RIF1: variants seen among roughly 807,000 people sequenced by gnomAD.
The protein encoded by RIF1 is replication timing regulatory factor 1.
Under a neutral mutation model 247.1 loss-of-function variants are expected in RIF1, and 45 were observed. That is an observed-to-expected ratio of 0.18 (90% CI 0.14 to 0.23). The LOEUF (loss-of-function observed/expected upper bound fraction) is 0.23. Ranked by LOEUF, RIF1 falls within the 10% of genes least tolerant of loss-of-function variation. The probability of loss-of-function intolerance (pLI) is 1.00; values close to 1 mark genes in which losing one functional copy is unlikely to be tolerated. For synonymous variants in RIF1, 1,087 were observed against 978.8 expected, an observed-to-expected ratio of 1.11 and a Z score of -2.06; for missense variants, 2,967 against 2,862.5, an observed-to-expected ratio of 1.04 and a Z score of -0.83.
At chr2:151,500,644 T>TGGA (rs2063764426) in intron 11 of RIF1, among the ~76,000 whole-genome samples, 1 of 146,536 alleles carries the variant, frequency 6.8e-6, no homozygotes, top group Non-Finnish European at 1.5e-5. Flanking sequence ...TTGCCTAGGC[T>TGGA]GGAGTACAGT....
chr2:151,461,391 ATTT>A (rs374480238), intron 27 of RIF1, 102 bp downstream of exon 27: 3,268 of 766,454 alleles, frequency 4.3e-3, no homozygotes, highest in East Asian at 5.7e-3. Flanking sequence ...ATGTGTACTA[ATTT>A]TTTTTTTTTT....
chr2:151,414,834 C>T lies in RIF1; in HGVS notation c.195C>T (p.Ser65=). Residue 65 remains serine, a synonymous_variant, in exon 4 of 36, where the codon TCC becomes TCT. Transcript: ENST00000444746. ...RLYKVLKTHI[S]SQNSELSSAA... ...TTTTGTTTTTGTAGACTCACATTTC[C>T]AGTCAAAACTCGGAGCTGAGTAGTG... 1 of 1,607,604 alleles carries T rather than the reference C, an allele frequency of 6.2e-7. No homozygotes were observed. Among genetic ancestry groups the T allele is most frequent in the Non-Finnish European group, 8.5e-7 (1 of 1,177,198 alleles).
At chr2:151,510,905 G>T (rs1407651581), downstream of RIF1, among the ~76,000 whole-genome samples, 1 of 152,182 alleles carries the variant, frequency 6.6e-6, no homozygotes, top group Non-Finnish European at 1.5e-5. Context: ...TATAAATACA[G>T]ATTCTCCATT....
At chr2:151,430,109 C>T (rs529096255) in intron 9 of RIF1, among the ~76,000 whole-genome samples, 1 of 152,056 alleles carries the variant, frequency 6.6e-6, no homozygotes, top group South Asian at 2.1e-4. Flanking sequence ...CAAGCTCCGC[C>T]TCCTGGGTTC....
At chr2:151,415,653 C>G (rs1030825230) in intron 4 of RIF1, among the ~76,000 whole-genome samples, 1 of 148,618 alleles carries the variant, frequency 6.7e-6, no homozygotes, top group Non-Finnish European at 1.5e-5. Flanking sequence ...GCGGGTGGAT[C>G]ACCTAAGGTC....
At chr2:151,490,556 G>A (rs1242718486) in intron 9 of RIF1, 2 of 1,597,158 alleles carry the variant, frequency 1.3e-6, no homozygotes, top group Non-Finnish European at 1.7e-6. Context: ...TAGCAAACAT[G>A]AAATTTCTAT....
intron 23 of RIF1, 52 bp downstream of exon 23, chr2:151,456,672 A>C (rs1265014345): frequency 1.9e-6 from 2 of 1,038,680 alleles, no homozygotes; most frequent in Non-Finnish European, 2.9e-6. Flanking sequence ...AGAAAATGAT[A>C]GAGTTTAGAT....
At chr2:151,512,779 G>A, downstream of RIF1, 1 of 1,613,892 alleles carries the variant, frequency 6.2e-7, no homozygotes, top group Non-Finnish European at 8.5e-7. Context: ...GATCTCTGGA[G>A]TATCAACCAC....
intron 34 of RIF1, 93 bp from the exon 35 acceptor site, chr2:151,473,871 T>G: frequency 1.4e-6 from 1 of 723,218 alleles, no homozygotes; most frequent in Non-Finnish European, 2.5e-6. Context: ...TGCAATGTTT[T>G]CCAGTGTTTG....
At chr2:151,514,703 C>T in the RIF1 span, 3 of 772,436 alleles carry the variant, frequency 3.9e-6, no homozygotes, top group Non-Finnish European at 4.1e-6. Context: ...CATGAGAACC[C>T]AATTTGAAAC....
chr2:151,427,722 ACCAGCCTGG>A (rs1029701539), intron 8 of RIF1, among the ~76,000 whole-genome samples: 26 of 147,330 alleles, frequency 1.8e-4, no homozygotes, highest in Admixed American at 4.9e-4. Flanking sequence ...GTAGTTAGTC[ACCAGCCTGG>A]CCAGCATGGC....
chr2:151,437,073 G>C (rs1279284244), intron 12 of RIF1, 70 bp downstream of exon 12: 12 of 1,392,072 alleles, frequency 8.6e-6, no homozygotes, highest in Non-Finnish European at 1.1e-5. Flanking sequence ...GGGGTGAGGA[G>C]AGGTGTTATT....
intron 22 of RIF1, among the ~76,000 whole-genome samples, chr2:151,455,968 C>A (rs1248725276): frequency 6.6e-6 from 1 of 152,218 alleles, no homozygotes; most frequent in African/African-American, 2.4e-5. Context: ...TAAATCATTG[C>A]CCACATTTGC....
At chr2:151,518,818 T>C in the RIF1 span, 1 of 608,616 alleles carries the variant, frequency 1.6e-6, no homozygotes, top group African/African-American at 1.8e-5. Context: ...ATTAATGTTG[T>C]CATTTGGAAG....
chr2:151,508,031 G>A (rs762220487), downstream of RIF1: 43 of 1,609,764 alleles, frequency 2.7e-5, no homozygotes, highest in Non-Finnish European at 3.3e-5. Context: ...TGGTTCTCCC[G>A]GACTCTCTGT....
At position 151,492,433 on chromosome 2, in the gene RIF1, G is replaced by C. The variant is rs760442721; in HGVS notation, c.*416-2796G>C. The C allele has an allele frequency of 3.7e-6, 6 of 1,612,650 alleles. No individual in the cohort carries two copies. In the African/African-American group the frequency reaches 8.0e-5, roughly 22 times the overall value. On this transcript the variant is annotated intron_variant and NMD_transcript_variant, in intron 9 of 13. Coordinates refer to the RIF1 transcript ENST00000454583. ...CTCCCTCACCCGTCTCATCTCGGGG[G>C]TATCCAATACATAGGCAGCTTTGCC...
chr2:151,430,286 G>T (rs1689848862), intron 9 of RIF1, among the ~76,000 whole-genome samples: 1 of 152,116 alleles, frequency 6.6e-6, no homozygotes, highest in African/African-American at 2.4e-5. Context: ...CTCCCAAAGT[G>T]CTGGGATTCC....
At chr2:151,418,494 T>C (rs1455924178) in intron 6 of RIF1, among the ~76,000 whole-genome samples, 1 of 151,912 alleles carries the variant, frequency 6.6e-6, no homozygotes, top group African/African-American at 2.4e-5. Flanking sequence ...CCTGAACCAC[T>C]GTGCCTGGGC....
chr2:151,471,051 A>T (rs1697724807), intron 34 of RIF1, among the ~76,000 whole-genome samples: 2 of 152,078 alleles, frequency 1.3e-5, no homozygotes. Flanking sequence ...CAGAGAAGAA[A>T]CACTGACCCA....
Sources: allele counts gnomAD v4.1 joint callset (sites outside exome capture counted in the v4.1 genomes callset), GRCh38; gene constraint gnomAD v4.1.1; transcripts MANE v1.5; gene names NCBI Gene and HGNC (gene_info 2026-07-23, HGNC 2026-07-21).